Variants in BICRA observed in about 807,000 individuals in gnomAD.
The protein encoded by BICRA is BRD4 interacting chromatin remodeling complex associated protein, also known as BRD4-interacting chromatin-remodeling complex-associated protein.
Under a neutral mutation model 96.9 loss-of-function variants are expected in BICRA, and 31 were observed. The observed-to-expected ratio is 0.32, with a 90% CI of 0.24 to 0.43. The LOEUF is 0.43. BICRA is among the 20% of genes least tolerant of loss of function. BICRA has a pLI of 1.00. For synonymous variants in BICRA, 1,350 were observed against 1,071.8 expected (o/e 1.26, Z -5.07); for missense variants, 2,283 against 2,190.3 (o/e 1.04, Z -0.84).
chr19:47,662,986 G>A (rs912565241), intron 1 of BICRA: 3 of 152,220 alleles, frequency 2.0e-5, no homozygotes, highest in African/African-American at 4.8e-5. Context: ...AGAAATGGGA[G>A]CTCTTTTTGC....
chr19:47,681,314 G>A (rs1274336225), intron 6 of BICRA, 38 bp downstream of exon 6: 2 of 1,529,286 alleles, frequency 1.3e-6, no homozygotes, highest in Non-Finnish European at 1.8e-6. Context: ...TACCGGAGGA[G>A]GCGGGTTTGG....
upstream of BICRA, among the ~76,000 whole-genome samples, chr19:47,608,836 AGAGGAGGAG>A (rs554119282): frequency 4.2e-5 from 6 of 144,480 alleles, no homozygotes; most frequent in Admixed American, 2.0e-4. Flanking sequence ...GGCGGAGGGA[AGAGGAGGAG>A]GAGGAGGAGG....
At chr19:47,674,218 C>T (rs1338534205) in intron 4 of BICRA, among the ~76,000 whole-genome samples, 1 of 149,954 alleles carries the variant, frequency 6.7e-6, no homozygotes, top group Non-Finnish European at 1.5e-5. Flanking sequence ...TGGGAGAGAG[C>T]TTGGCATGGT....
intron 5 of BICRA, among the ~76,000 whole-genome samples, chr19:47,678,406 G>A (rs1023648885): frequency 2.0e-5 from 3 of 152,082 alleles, no homozygotes; most frequent in Non-Finnish European, 4.4e-5. Flanking sequence ...GTGAGCCACC[G>A]TGCCTAGACT....
intron 1 of BICRA, among the ~76,000 whole-genome samples, chr19:47,653,059 G>A (rs8109421): frequency 0.22 from 29,550 of 134,206 alleles, 3,438 homozygotes; most frequent in Middle Eastern, 0.35. Context: ...GTCTCGCGCC[G>A]TCCGCCAGGC....
Position 47,702,084 on chromosome 19 carries a change from C to T in BICRA, c.4352C>T (p.Pro1451Leu), listed in dbSNP as rs758498805. Residue 1451 changes from proline (P) to leucine (L), a missense_variant, in exon 15 of 15, where the codon CCC (proline) becomes CTC (leucine). Physicochemically the swap from Pro to Leu is moderately conservative, Grantham distance 98 (BLOSUM62 -3). Transcript: ENST00000594866. ...ATGCTGAAGGGCCCCCCGCCAGAGC[C>T]CGCAGCCAGCGCCGCCCAAGGCACC... ...QRMLKGPPPEPAASAAQGTGD... is the reference protein window; with the variant it reads ...QRMLKGPPPELAASAAQGTGD... The T allele has an allele frequency of 4.6e-5, 70 of 1,513,502 alleles. No individual in the cohort carries two copies. The highest frequency in any genetic ancestry group is 6.0e-5 in the Non-Finnish European group (68 of 1,139,322). The allele number at this position is 1,513,502 out of a possible 1,614,324, so 93.8% of individuals were successfully genotyped here.
intron 8 of BICRA, 83 bp from the exon 9 acceptor site, chr19:47,694,817 G>A (rs1364605322): frequency 1.7e-6 from 2 of 1,169,652 alleles, no homozygotes; most frequent in African/African-American, 3.1e-5. Flanking sequence ...ACGGCTCTGT[G>A]ATCCTCCCCA....
chr19:47,612,573 C>T (rs926333537), intron 1 of BICRA, among the ~76,000 whole-genome samples: 1 of 152,142 alleles, frequency 6.6e-6, no homozygotes, highest in Non-Finnish European at 1.5e-5. Context: ...GCCCCTACCC[C>T]TTCAGCACTT....
intron 11 of BICRA, among the ~76,000 whole-genome samples, chr19:47,696,894 G>T (rs549867088): frequency 1.3e-5 from 2 of 152,036 alleles, no homozygotes; most frequent in South Asian, 4.1e-4. Flanking sequence ...AGGATGATGG[G>T]GGGGGTGTTT....
At chr19:47,633,080 CTTTTTT>C (rs34761702) in intron 1 of BICRA, among the ~76,000 whole-genome samples, 13 of 93,224 alleles carry the variant, frequency 1.4e-4, no homozygotes, top group East Asian at 2.9e-4. Flanking sequence ...GATTTTATTT[CTTTTTT>C]TTTTTTTTTT....
At chr19:47,694,089 C>CAG in intron 7 of BICRA, 26 bp from the exon 8 acceptor site, 1 of 1,125,586 alleles carries the variant, frequency 8.9e-7, no homozygotes, top group Admixed American at 3.8e-5. Context: ...CCCCGCCCCT[C>CAG]CCCTCTCCCT....
intron 1 of BICRA, among the ~76,000 whole-genome samples, chr19:47,622,617 G>A (rs987089679): frequency 2.3e-4 from 34 of 150,952 alleles, no homozygotes; most frequent in African/African-American, 6.6e-4. Flanking sequence ...CCAGCTACTC[G>A]GGAGACTGAG....
intron 1 of BICRA, among the ~76,000 whole-genome samples, chr19:47,611,272 T>A (rs1243495005): frequency 1.3e-5 from 2 of 151,638 alleles, no homozygotes. Flanking sequence ...GCGGCCAGAT[T>A]TTTTTTTTCC....
intron 1 of BICRA, among the ~76,000 whole-genome samples, chr19:47,612,058 A>G (rs1483016066): frequency 6.6e-6 from 1 of 152,056 alleles, no homozygotes; most frequent in Admixed American, 6.6e-5. Context: ...TTTAGTAAAG[A>G]CGGGATTTCA....
chr19:47,641,280 A>T (rs1438793631), intron 1 of BICRA, among the ~76,000 whole-genome samples: 2 of 151,784 alleles, frequency 1.3e-5, no homozygotes, highest in Non-Finnish European at 2.9e-5. Flanking sequence ...CACCCATTTA[A>T]AAAGTATCAT....
chr19:47,619,175 A>T (rs1450588130), intron 1 of BICRA, among the ~76,000 whole-genome samples: 3 of 131,700 alleles, frequency 2.3e-5, no homozygotes, highest in African/African-American at 8.8e-5. Flanking sequence ...TCTTTCGTGG[A>T]CAGTGTATAT....
intron 9 of BICRA, 23 bp from the exon 10 acceptor site, chr19:47,695,342 T>TCGGGGGGCCCCCCCCCCCCCCCCCCCCCC: frequency 1.4e-5 from 9 of 630,090 alleles, no homozygotes; most frequent in Non-Finnish European, 1.4e-5. Context: ...AGGCCCTGTC[T>TCGGGGGGCCCCCCCCCCCCCCCCCCCCCC]CCCCCACCCC....
intron 7 of BICRA, among the ~76,000 whole-genome samples, chr19:47,683,426 A>G (rs1049603884): frequency 7.9e-5 from 12 of 152,238 alleles, no homozygotes; most frequent in East Asian, 1.9e-4. Flanking sequence ...TTTCTGTTCT[A>G]TGAAACTGCT....
rs1257762791 is a variant in BICRA at position 47,680,928 on chromosome 19, C to T, written c.1758C>T (p.Val586=). ...GPAATTVLQG[V]TLPPSAVAML... ...CCGCCACCACTGTCCTCCAGGGGGT[C>T]ACCCTGCCCCCCAGCGCCGTGGCCA... is the stretch of plus-strand genomic sequence containing the variant. Residue 586 remains valine, a synonymous_variant, in exon 6 of 15, where the codon GTC becomes GTT. Transcript: ENST00000594866. The T allele has an allele frequency of 2.0e-6, 3 of 1,474,802 alleles. No homozygotes were observed. Among genetic ancestry groups the T allele is most frequent in the Non-Finnish European group, 1.8e-6 (2 of 1,125,284 alleles). The allele number at this position is 1,474,802 out of a possible 1,614,324, so 91.4% of individuals were successfully genotyped here. A position where few individuals can be genotyped will look rare whatever the true frequency, so the allele number is the denominator to read the frequency against.
Sources: allele counts gnomAD v4.1 joint callset (sites outside exome capture counted in the v4.1 genomes callset), GRCh38; gene constraint gnomAD v4.1.1; transcripts MANE v1.5; gene names NCBI Gene and HGNC (gene_info 2026-07-23, HGNC 2026-07-21).